MAML2: variants seen among roughly 807,000 people sequenced by gnomAD.
MAML2 encodes mastermind like transcriptional coactivator 2.
In MAML2, 22 loss-of-function variants were observed where a neutral mutation model predicts 96.1. That is an observed-to-expected ratio of 0.23 (90% CI 0.16 to 0.33). MAML2 has a LOEUF of 0.33. Ranked by LOEUF, MAML2 falls within the 10% of genes least tolerant of loss-of-function variation. The pLI is 1.00. For synonymous variants in MAML2, 561 were observed against 521.3 expected, an observed-to-expected ratio of 1.08 and a Z score of -1.04; for missense variants, 1,367 against 1,392.4, an observed-to-expected ratio of 0.98 and a Z score of 0.29.
intron 4 of MAML2, among the ~76,000 whole-genome samples, chr11:95,982,185 A>G (rs533169868): frequency 6.6e-6 from 1 of 152,306 alleles, no homozygotes; most frequent in Non-Finnish European, 1.5e-5. Flanking sequence ...AATGATTCTG[A>G]CCCACTTGAG....
At chr11:96,154,582 C>G (rs1366501707) in intron 1 of MAML2, among the ~76,000 whole-genome samples, 1 of 152,126 alleles carries the variant, frequency 6.6e-6, no homozygotes, top group African/African-American at 2.4e-5. Flanking sequence ...TAAGACCACC[C>G]AACAACAAAG....
chr11:95,994,101 T>C (rs1368978134), intron 2 of MAML2, among the ~76,000 whole-genome samples: 1 of 152,228 alleles, frequency 6.6e-6, no homozygotes, highest in African/African-American at 2.4e-5. Context: ...GAAAGATTTT[T>C]GTACTTTAAA....
At chr11:96,166,869 C>T (rs904906917) in intron 1 of MAML2, among the ~76,000 whole-genome samples, 2 of 152,312 alleles carry the variant, frequency 1.3e-5, no homozygotes, top group East Asian at 1.9e-4. Context: ...ACTGCTCACC[C>T]GCTAAAGGCT....
intron 4 of MAML2, among the ~76,000 whole-genome samples, chr11:95,984,445 C>T (rs931054351): frequency 6.6e-6 from 1 of 152,140 alleles, no homozygotes; most frequent in Admixed American, 6.6e-5. Flanking sequence ...ACATACATCC[C>T]ATTCCTAATG....
intron 1 of MAML2, among the ~76,000 whole-genome samples, chr11:96,303,316 T>C (rs1413188145): frequency 6.6e-6 from 1 of 152,234 alleles, no homozygotes; most frequent in Non-Finnish European, 1.5e-5. Context: ...TTTACCAATA[T>C]AAAAATTGCT....
intron 1 of MAML2, among the ~76,000 whole-genome samples, chr11:96,272,051 T>A (rs1359691209): frequency 6.6e-6 from 1 of 152,158 alleles, no homozygotes; most frequent in Non-Finnish European, 1.5e-5. Context: ...CTACACCTCC[T>A]TCAGGTCCTT....
At chr11:96,337,269 A>G (rs908008246) in intron 1 of MAML2, among the ~76,000 whole-genome samples, 2 of 152,210 alleles carry the variant, frequency 1.3e-5, no homozygotes, top group South Asian at 2.1e-4. Flanking sequence ...TATCATGTAG[A>G]CAGCCATAGA....
chr11:96,121,742 C>A (rs942122756), intron 1 of MAML2, among the ~76,000 whole-genome samples: 2 of 147,030 alleles, frequency 1.4e-5, no homozygotes, highest in Non-Finnish European at 3.0e-5. Context: ...AAAGCAATGC[C>A]CTTAATTTTG....
chr11:96,122,497 G>GGTGGGT (rs1555012673), intron 1 of MAML2, among the ~76,000 whole-genome samples: 10 of 135,682 alleles, frequency 7.4e-5, no homozygotes, highest in Non-Finnish European at 1.5e-4. Flanking sequence ...TTTTAGGCTG[G>GGTGGGT]GTGTGTGTGT....
At chr11:96,065,398 C>A (rs1164143328) in intron 2 of MAML2, among the ~76,000 whole-genome samples, 1 of 139,914 alleles carries the variant, frequency 7.1e-6, no homozygotes. Context: ...CTCTCTAGTG[C>A]ACATGCGTGC....
chr11:96,212,024 A>C (rs1287331786), intron 1 of MAML2, among the ~76,000 whole-genome samples: 1 of 152,126 alleles, frequency 6.6e-6, no homozygotes. Flanking sequence ...GATAAAATAA[A>C]AATGATTTGA....
chr11:96,322,019 A>G (rs1483379127), intron 1 of MAML2, among the ~76,000 whole-genome samples: 1 of 152,146 alleles, frequency 6.6e-6, no homozygotes, highest in Admixed American at 6.5e-5. Context: ...TTTGGTAAAT[A>G]TGAGTAAAGA....
intron 1 of MAML2, among the ~76,000 whole-genome samples, chr11:96,129,326 T>C (rs1170488964): frequency 1.3e-5 from 2 of 152,230 alleles, no homozygotes; most frequent in Non-Finnish European, 2.9e-5. Flanking sequence ...GAGGACTTTT[T>C]AAAACACAGA....
In MAML2 at chr11:96,300,166, C is replaced by T. The variant is rs61500335; in HGVS notation, c.513+41217G>A. On this transcript the variant is annotated intron_variant, in intron 1 of 4. Coordinates refer to ENST00000524717, the MANE Select transcript of MAML2 (RefSeq NM_032427.4). ...AGACAGTTGGAGTTGATGAAAAGGTCAAAGGTAAGGCCATGGGAATTAGTT... is the reference window on the plus strand; with the variant it reads ...AGACAGTTGGAGTTGATGAAAAGGTTAAAGGTAAGGCCATGGGAATTAGTT... Among the ~76,000 whole-genome samples, 1,399 of 151,962 alleles carry T rather than the reference C, an allele frequency of 9.2e-3. 26 individuals carry two copies. The highest frequency in any genetic ancestry group is 0.032 in the African/African-American group (1,336 of 41,440).
chr11:96,006,504 A>G (rs1858179923), intron 2 of MAML2, among the ~76,000 whole-genome samples: 1 of 151,892 alleles, frequency 6.6e-6, no homozygotes, highest in Non-Finnish European at 1.5e-5. Flanking sequence ...CATAGAAAAC[A>G]GTACCTAAAT....
chr11:96,200,386 G>C (rs1861802206), intron 1 of MAML2, among the ~76,000 whole-genome samples: 1 of 152,204 alleles, frequency 6.6e-6, no homozygotes, highest in African/African-American at 2.4e-5. Context: ...TCAGATCTCA[G>C]AGTAAACACA....
chr11:96,328,021 G>A (rs1455042321), intron 1 of MAML2, among the ~76,000 whole-genome samples: 5 of 151,928 alleles, frequency 3.3e-5, no homozygotes, highest in South Asian at 2.1e-4. Flanking sequence ...ACTTCAACCC[G>A]GGGGGTGGAG....
chr11:96,205,999 G>A (rs1259917864), intron 1 of MAML2, among the ~76,000 whole-genome samples: 2 of 151,878 alleles, frequency 1.3e-5, no homozygotes, highest in African/African-American at 2.4e-5. Context: ...AAAAACTGAT[G>A]TCTTTGGTAA....
At chr11:96,164,342 T>C (rs1311828671) in intron 1 of MAML2, among the ~76,000 whole-genome samples, 1 of 152,136 alleles carries the variant, frequency 6.6e-6, no homozygotes, top group East Asian at 1.9e-4. Context: ...AGTTTAAAGG[T>C]GAAGAAAGCA....
Sources: allele counts gnomAD v4.1 joint callset (sites outside exome capture counted in the v4.1 genomes callset), GRCh38; gene constraint gnomAD v4.1.1; transcripts MANE v1.5; gene names NCBI Gene and HGNC (gene_info 2026-07-23, HGNC 2026-07-21).